Variants in ZCCHC14 observed in about 807,000 individuals in gnomAD.
The protein encoded by ZCCHC14 is zinc finger CCHC-type containing 14.
Under a neutral mutation model 85.0 loss-of-function variants are expected in ZCCHC14, and 16 were observed. That is an observed-to-expected ratio of 0.19 (90% CI 0.13 to 0.29). The LOEUF is 0.29. Ranked by LOEUF, ZCCHC14 falls within the 10% of genes least tolerant of loss-of-function variation. The pLI is 1.00. For synonymous variants in ZCCHC14, 775 were observed against 630.7 expected, an observed-to-expected ratio of 1.23 and a Z score of -3.43; for missense variants, 1,303 against 1,443.5, an observed-to-expected ratio of 0.90 and a Z score of 1.58.
At chr16:87,446,070 G>A (rs918484829) in intron 2 of ZCCHC14, among the ~76,000 whole-genome samples, 11 of 151,906 alleles carry the variant, frequency 7.2e-5, no homozygotes, top group Admixed American at 7.2e-4. Context: ...GGGAGGCTAA[G>A]GCAGAAGAAT....
chr16:87,414,836 T>G (rs771764935), intron 9 of ZCCHC14, among the ~76,000 whole-genome samples: 10 of 152,162 alleles, frequency 6.6e-5, no homozygotes, highest in Non-Finnish European at 1.2e-4. Flanking sequence ...ATCCCAGCAC[T>G]TTGGGAGGCC....
intron 3 of ZCCHC14, among the ~76,000 whole-genome samples, chr16:87,432,646 T>A (rs1314894518): frequency 1.3e-5 from 2 of 152,136 alleles, no homozygotes; most frequent in Non-Finnish European, 1.5e-5. Context: ...TCGACCCTGG[T>A]CACCGTGGGT....
rs1370455107 is a variant in ZCCHC14, at chr16:87,477,130, AAAAAAAAAAAAC to A, written c.570+14527_570+14538del. 7.6e-5 allele frequency among the ~76,000 whole-genome samples: 11 copies of A among 143,926 alleles called. 1 individual carries two copies. Among genetic ancestry groups the A allele is most frequent in the Non-Finnish European group, 1.2e-4 (8 of 67,278 alleles). 94.4% of individuals were successfully genotyped at this position (143,926 alleles called of 152,430 possible). On this transcript the variant is annotated intron_variant, in intron 1 of 12. Transcript: ENST00000671377. The stretch of plus-strand genomic sequence containing the variant: ...AGAGAGACTCAGTCTCAAAAAAAAA[AAAAAAAAAAAAC>A]AAAACAAAACCAAAAAAAAATTGAA...
chr16:87,457,167 C>G (rs888817739), intron 2 of ZCCHC14, among the ~76,000 whole-genome samples: 1 of 152,182 alleles, frequency 6.6e-6, no homozygotes, highest in Non-Finnish European at 1.5e-5. Flanking sequence ...ACGGGGTTTA[C>G]TAGGCTACAA....
chr16:87,423,522 CA>C (rs1909211613), intron 4 of ZCCHC14, among the ~76,000 whole-genome samples: 1 of 152,248 alleles, frequency 6.6e-6, no homozygotes, highest in Admixed American at 6.5e-5. Context: ...TGAAAAGTAA[CA>C]AAAGAAACCA....
intron 1 of ZCCHC14, among the ~76,000 whole-genome samples, chr16:87,480,183 C>T (rs1316195699): frequency 6.6e-6 from 1 of 151,994 alleles, no homozygotes; most frequent in African/African-American, 2.4e-5. Flanking sequence ...GCAGGCGGAT[C>T]ACAAGGTCAG....
In ZCCHC14 at chr16:87,419,838, G is replaced by A; in HGVS notation, c.990C>T (p.Asp330=). 1.2e-6 allele frequency: 2 copies of A among 1,612,952 alleles called. No individual in the cohort carries two copies. Among genetic ancestry groups the A allele is most frequent in the Non-Finnish European group, 1.7e-6 (2 of 1,179,530 alleles). Residue 330 remains aspartate, a synonymous_variant, in exon 6 of 13, where the codon GAC becomes GAT. Transcript: ENST00000671377. ...AAGTGCTGAGAAACCTCCTGACATG[G>A]TCATTTTTCAACACGTGAGAAGGTA... ...ASLPSHVLKN[D]HVRRFLSTSS...
rs561464403 is a variant in ZCCHC14 at position 87,433,165 on chromosome 16, T to C, written c.731A>G (p.His244Arg). ...TTCAACATTTCTGTCATTTTTTGTG[T>C]GTGATAATCCCTTCAGGTCTATCTT... is the stretch of plus-strand genomic sequence containing the variant. ...VEKIDLKGLSHTKNDRNVECS... is the reference protein window; with the variant it reads ...VEKIDLKGLSRTKNDRNVECS... The change falls in exon 3 of 13, where the codon CAC becomes CGC. Residue 244 changes from histidine (H) to arginine (R), a missense_variant. Physicochemically the swap from His to Arg is conservative, Grantham distance 29. This residue lies in a region of ZCCHC14 where 389 missense variants were observed against 397.8 expected (regional missense o/e 0.98). Coordinates refer to ENST00000671377, the MANE Select transcript of ZCCHC14 (RefSeq NM_015144.3). 1 of 1,614,234 alleles carries C rather than the reference T, an allele frequency of 6.2e-7. No homozygotes were observed. The highest frequency in any genetic ancestry group is 1.3e-5 in the African/African-American group (1 of 75,070).
intron 3 of ZCCHC14, among the ~76,000 whole-genome samples, chr16:87,430,092 T>A (rs1183390594): frequency 6.6e-6 from 1 of 152,236 alleles, no homozygotes; most frequent in African/African-American, 2.4e-5. Context: ...TGTTGTCTTT[T>A]ATGGATGTTT....
intron 1 of ZCCHC14, chr16:87,471,525 A>G (rs2150768691): frequency 6.6e-6 from 1 of 152,394 alleles, no homozygotes; most frequent in East Asian, 1.9e-4. Flanking sequence ...ACCAGATGCA[A>G]ATCTCTTTCA....
At chr16:87,427,689 G>C (rs1162941480) in intron 3 of ZCCHC14, among the ~76,000 whole-genome samples, 1 of 152,132 alleles carries the variant, frequency 6.6e-6, no homozygotes, top group African/African-American at 2.4e-5. Context: ...CCAAGTTGGA[G>C]TGCAGTGGCA....
intron 2 of ZCCHC14, among the ~76,000 whole-genome samples, chr16:87,442,127 G>C (rs191815032): frequency 1.3e-5 from 2 of 152,208 alleles, no homozygotes; most frequent in Non-Finnish European, 2.9e-5. Context: ...GGCGTTGTGG[G>C]TGCGTTCACC....
At chr16:87,485,497 AAGCCCTTC>A (rs1048622001) in intron 1 of ZCCHC14, among the ~76,000 whole-genome samples, 1 of 151,856 alleles carries the variant, frequency 6.6e-6, no homozygotes, top group Non-Finnish European at 1.5e-5. Context: ...CCAAAACCAA[AAGCCCTTC>A]AATAATGTAC....
At chr16:87,423,925 A>C in intron 3 of ZCCHC14, 44 bp from the exon 4 acceptor site, 1 of 1,603,440 alleles carries the variant, frequency 6.2e-7, no homozygotes, top group Non-Finnish European at 8.5e-7. Context: ...CAGACACCAC[A>C]TACTTGGTTC....
At position 87,491,856 on chromosome 16, in the gene ZCCHC14, G is replaced by T; in HGVS notation, c.383C>A (p.Thr128Lys). ...GAACAGCAGCAGGAACTCATCGCCC[G>T]TGCGGCCCTCGTTAAGCTGCAGCCC... is the stretch of plus-strand genomic sequence containing the variant. ...NYGLQLNEGR[T>K]GDEFLLLFTM... The change falls in exon 1 of 13, where the codon ACG becomes AAG. Residue 128 changes from threonine (T) to lysine (K), a missense_variant. By Grantham distance (78) the Thr-to-Lys change is moderately conservative. Coordinates refer to ENST00000671377, the MANE Select transcript of ZCCHC14 (RefSeq NM_015144.3). This position sits in a 1 kb window ranked among gnomAD's most constrained non-coding sequence, Gnocchi z 5.9. The T allele has an allele frequency of 6.4e-7, 1 of 1,563,962 alleles. No homozygotes were observed. Among genetic ancestry groups the T allele is most frequent in the Non-Finnish European group, 8.6e-7 (1 of 1,162,002 alleles).
intron 2 of ZCCHC14, among the ~76,000 whole-genome samples, chr16:87,439,925 G>A (rs369707791): frequency 2.0e-4 from 31 of 152,234 alleles, no homozygotes; most frequent in African/African-American, 6.3e-4. Context: ...TAATTAAAAC[G>A]AACCAAACAT....
At chr16:87,440,727 C>A (rs1910142080) in intron 2 of ZCCHC14, among the ~76,000 whole-genome samples, 1 of 152,106 alleles carries the variant, frequency 6.6e-6, no homozygotes, top group African/African-American at 2.4e-5. Context: ...CCACCTCAGC[C>A]TCCTGAGTAG....
intron 7 of ZCCHC14, among the ~76,000 whole-genome samples, chr16:87,418,618 C>G (rs929455223): frequency 6.6e-6 from 1 of 152,220 alleles, no homozygotes; most frequent in Non-Finnish European, 1.5e-5. Context: ...TATGATGGGG[C>G]CCAGGACCTT....
chr16:87,430,502 A>G (rs1184514740), intron 3 of ZCCHC14, among the ~76,000 whole-genome samples: 2 of 150,412 alleles, frequency 1.3e-5, no homozygotes, highest in African/African-American at 4.9e-5. Context: ...TTCTTTCCAT[A>G]TCACTTTAAC....
Sources: allele counts gnomAD v4.1 joint callset (sites outside exome capture counted in the v4.1 genomes callset), GRCh38; gene constraint gnomAD v4.1.1; regional missense constraint gnomAD v4.1.1; non-coding constraint Gnocchi (gnomAD v3.1); transcripts MANE v1.5; gene names NCBI Gene and HGNC (gene_info 2026-07-23, HGNC 2026-07-21).